The following IMMP2L variants were observed in gnomAD, a reference collection of about 807,000 sequenced individuals.
IMMP2L encodes inner mitochondrial membrane peptidase subunit 2, also known as mitochondrial inner membrane protease subunit 2.
IMMP2L carries 18 observed loss-of-function variants against 19.3 expected under a neutral mutation model. The ratio of observed to expected loss-of-function variants is 0.93; its 90% CI spans 0.64 to 1.38. The LOEUF (loss-of-function observed/expected upper bound fraction) is 1.38. IMMP2L is among the 40% of genes most tolerant of loss of function. The pLI is 0.00. For synonymous variants in IMMP2L, 76 were observed against 73.0 expected (o/e 1.04, Z -0.21); for missense variants, 233 against 218.2 (o/e 1.07, Z -0.43).
intron 4 of IMMP2L, among the ~76,000 whole-genome samples, chr7:110,910,956 T>C (rs2129548333): frequency 6.6e-6 from 1 of 152,196 alleles, no homozygotes; most frequent in South Asian, 2.1e-4. Context: ...GAACAGAGAA[T>C]GTAGCAAATG....
intron 3 of IMMP2L, among the ~76,000 whole-genome samples, chr7:111,263,002 T>C (rs1817477965): frequency 6.6e-6 from 1 of 152,126 alleles, no homozygotes; most frequent in Admixed American, 6.6e-5. Flanking sequence ...GTGTGGCTGC[T>C]ATATTGTGAA....
At chr7:111,153,525 T>C (rs1441191042) in intron 3 of IMMP2L, among the ~76,000 whole-genome samples, 2 of 152,020 alleles carry the variant, frequency 1.3e-5, no homozygotes, top group African/African-American at 4.8e-5. Context: ...GGTAAGGAAA[T>C]TGACCAGTTT....
intron 2 of IMMP2L, among the ~76,000 whole-genome samples, chr7:111,492,083 A>G (rs1843159363): frequency 6.6e-6 from 1 of 152,080 alleles, no homozygotes; most frequent in Admixed American, 6.6e-5. Flanking sequence ...AATATGCATT[A>G]TAATCACTCC....
chr7:111,423,509 G>A (rs1464666719), intron 3 of IMMP2L, among the ~76,000 whole-genome samples: 1 of 151,824 alleles, frequency 6.6e-6, no homozygotes, highest in Non-Finnish European at 1.5e-5. Context: ...GCGTAAAGGT[G>A]TTTATAGTAT....
At chr7:110,939,767 C>G (rs1816533565) in intron 4 of IMMP2L, among the ~76,000 whole-genome samples, 1 of 152,082 alleles carries the variant, frequency 6.6e-6, no homozygotes, top group Admixed American at 6.6e-5. Flanking sequence ...TTCATTGCAT[C>G]AACAATAGAA....
intron 3 of IMMP2L, among the ~76,000 whole-genome samples, chr7:111,428,626 C>G (rs538099625): frequency 6.7e-6 from 1 of 149,308 alleles, no homozygotes; most frequent in Admixed American, 6.6e-5. Context: ...AAATCTAACT[C>G]TGCTTTACTG....
At chr7:111,406,132 G>GTCTTTAA (rs1833883316) in intron 3 of IMMP2L, among the ~76,000 whole-genome samples, 1 of 152,000 alleles carries the variant, frequency 6.6e-6, no homozygotes, top group South Asian at 2.1e-4. Context: ...AATTTAACAT[G>GTCTTTAA]TCTAAAAGGT....
At chr7:111,111,498 T>C (rs1799200165) in intron 3 of IMMP2L, among the ~76,000 whole-genome samples, 1 of 151,836 alleles carries the variant, frequency 6.6e-6, no homozygotes, top group South Asian at 2.1e-4. Flanking sequence ...ATGTATTTCA[T>C]TTACTATGCC....
chr7:111,061,131 T>C (rs987579137), intron 3 of IMMP2L, among the ~76,000 whole-genome samples: 3 of 152,230 alleles, frequency 2.0e-5, no homozygotes, highest in African/African-American at 7.2e-5. Flanking sequence ...AGGAGTTTCA[T>C]GCTGGAGATA....
intron 5 of IMMP2L, among the ~76,000 whole-genome samples, chr7:110,798,927 T>C (rs1801054842): frequency 6.6e-6 from 1 of 151,990 alleles, no homozygotes; most frequent in Non-Finnish European, 1.5e-5. Context: ...TTGCAGATAA[T>C]ATAGAAAGGC....
chr7:110,777,060 A>G (rs1440516708), intron 5 of IMMP2L, among the ~76,000 whole-genome samples: 2 of 152,030 alleles, frequency 1.3e-5, no homozygotes, highest in East Asian at 3.9e-4. Context: ...TGTGTTAAAC[A>G]TAAGGAAGGT....
At chr7:110,865,177 G>GCACA (rs145596168) in intron 5 of IMMP2L, among the ~76,000 whole-genome samples, 1 of 150,960 alleles carries the variant, frequency 6.6e-6, no homozygotes, top group African/African-American at 2.4e-5. Context: ...GCATACATTT[G>GCACA]CACACACACA....
chr7:111,010,553 A>G (rs573002177), intron 3 of IMMP2L, among the ~76,000 whole-genome samples: 1 of 152,258 alleles, frequency 6.6e-6, no homozygotes, highest in East Asian at 1.9e-4. Flanking sequence ...ACTCATTAGC[A>G]TGCTTTTCTC....
intron 3 of IMMP2L, among the ~76,000 whole-genome samples, chr7:111,217,268 T>C (rs913277350): frequency 1.3e-5 from 2 of 152,044 alleles, no homozygotes; most frequent in South Asian, 4.1e-4. Flanking sequence ...GTTAGAATGG[T>C]GGCCAGGAGC....
chr7:111,092,536 T>C (rs1796980691), intron 3 of IMMP2L, among the ~76,000 whole-genome samples: 1 of 152,184 alleles, frequency 6.6e-6, no homozygotes, highest in Non-Finnish European at 1.5e-5. Context: ...AAGTAAAGGT[T>C]CAAAATATCT....
chr7:111,528,726 G>A (rs936352715), intron 1 of IMMP2L, among the ~76,000 whole-genome samples: 1 of 152,126 alleles, frequency 6.6e-6, no homozygotes, highest in African/African-American at 2.4e-5. Flanking sequence ...TCCACCACAA[G>A]TCATCCTAAT....
At chr7:111,482,251 C>T (rs905145794) in intron 3 of IMMP2L, among the ~76,000 whole-genome samples, 7 of 152,126 alleles carry the variant, frequency 4.6e-5, no homozygotes, top group Non-Finnish European at 1.0e-4. Context: ...CATGCACTTG[C>T]TGTAAATCTG....
intron 3 of IMMP2L, among the ~76,000 whole-genome samples, chr7:111,129,857 T>C (rs749086433): frequency 6.6e-6 from 1 of 152,112 alleles, no homozygotes; most frequent in Non-Finnish European, 1.5e-5. Context: ...ATATTAACAG[T>C]CATAAAACAT....
intron 3 of IMMP2L, among the ~76,000 whole-genome samples, chr7:111,366,809 C>A (rs1473209711): frequency 6.6e-6 from 1 of 151,868 alleles, no homozygotes; most frequent in African/African-American, 2.4e-5. Context: ...TTCATAAATA[C>A]ATTCATTGTC....
Sources: allele counts gnomAD v4.1 joint callset (sites outside exome capture counted in the v4.1 genomes callset), GRCh38; gene constraint gnomAD v4.1.1; transcripts MANE v1.5; gene names NCBI Gene and HGNC (gene_info 2026-07-23, HGNC 2026-07-21).